Variants in RHEX observed in about 807,000 individuals in gnomAD.
RHEX encodes regulator of hemoglobinization and erythroid cell expansion.
A neutral mutation model predicts 20.1 loss-of-function variants in RHEX; 18 were observed. The observed-to-expected ratio is 0.90, with a 90% confidence interval of 0.62 to 1.33. The LOEUF (loss-of-function observed/expected upper bound fraction) is 1.33. Ranked by LOEUF, RHEX falls within the 40% of genes most tolerant of loss-of-function variation. The pLI is 0.00. For synonymous variants in RHEX, 87 were observed against 77.1 expected (o/e 1.13, Z -0.67); for missense variants, 192 against 214.3 (o/e 0.90, Z 0.65).
intron 1 of RHEX, among the ~76,000 whole-genome samples, chr1:206,077,030 G>A (rs1318875751): frequency 6.6e-6 from 1 of 152,230 alleles, no homozygotes; most frequent in Non-Finnish European, 1.5e-5. Context: ...ATAAATGCGT[G>A]AATTAAGGTG....
intron 2 of RHEX, 115 bp from the exon 3 acceptor site, chr1:206,097,966 A>T: frequency 8.6e-7 from 1 of 1,158,452 alleles, no homozygotes; most frequent in Non-Finnish European, 1.3e-6. Context: ...AAAGGGACCT[A>T]CCCTGGGACA....
At chr1:206,058,751 T>G (rs1662248615) in intron 1 of RHEX, among the ~76,000 whole-genome samples, 1 of 152,136 alleles carries the variant, frequency 6.6e-6, no homozygotes, top group East Asian at 1.9e-4. Flanking sequence ...GACCCTTTCA[T>G]GTGAAATCTT....
chr1:206,093,260 T>C (rs1420299616), intron 1 of RHEX, among the ~76,000 whole-genome samples: 6 of 152,082 alleles, frequency 3.9e-5, no homozygotes, highest in African/African-American at 1.2e-4. Flanking sequence ...CTTTGATCCA[T>C]ATGATTTTTC....
intron 1 of RHEX, among the ~76,000 whole-genome samples, chr1:206,063,325 C>T (rs1409874349): frequency 3.9e-5 from 6 of 152,076 alleles, no homozygotes; most frequent in Non-Finnish European, 5.9e-5. Flanking sequence ...GCTTGGAAAA[C>T]GGCAAGTTTC....
chr1:206,066,355 G>A (rs982994842), intron 1 of RHEX, among the ~76,000 whole-genome samples: 1 of 152,172 alleles, frequency 6.6e-6, no homozygotes, highest in South Asian at 2.1e-4. Context: ...AGTGGCTCAC[G>A]CCTGTAATCC....
intron 1 of RHEX, among the ~76,000 whole-genome samples, chr1:206,066,556 G>A (rs1027086208): frequency 6.6e-6 from 1 of 152,226 alleles, no homozygotes; most frequent in Non-Finnish European, 1.5e-5. Flanking sequence ...CGTCAAGTTT[G>A]CAGTGAGCTG....
At chr1:206,098,249 C>CA (rs1418728631) in intron 3 of RHEX, 68 bp downstream of exon 3, 3 of 1,198,800 alleles carry the variant, frequency 2.5e-6, no homozygotes, top group Non-Finnish European at 3.7e-6. Flanking sequence ...TCCAGCAGGA[C>CA]AAGACCCCTT....
At chr1:206,096,506 G>A (rs1344391476) in intron 1 of RHEX, among the ~76,000 whole-genome samples, 1 of 152,234 alleles carries the variant, frequency 6.6e-6, no homozygotes, top group Non-Finnish European at 1.5e-5. Context: ...TCTTCCTTGT[G>A]CAGCTGCCCT....
intron 4 of RHEX, among the ~76,000 whole-genome samples, chr1:206,100,232 T>C (rs1443650449): frequency 1.3e-5 from 2 of 152,212 alleles, no homozygotes; most frequent in Non-Finnish European, 2.9e-5. Context: ...AGAGGGACCC[T>C]TTTTCATGGT....
intron 1 of RHEX, among the ~76,000 whole-genome samples, chr1:206,080,745 G>A (rs1261609678): frequency 6.6e-6 from 1 of 152,198 alleles, no homozygotes; most frequent in Non-Finnish European, 1.5e-5. Flanking sequence ...CCTGAACCCA[G>A]ACCTCAGTAG....
At chr1:206,071,026 C>G (rs1439154696) in intron 1 of RHEX, among the ~76,000 whole-genome samples, 1 of 152,150 alleles carries the variant, frequency 6.6e-6, no homozygotes. Context: ...AGTATTGACT[C>G]ACACGATCAC....
At chr1:206,083,766 G>A (rs2102320710) in intron 1 of RHEX, 1 of 452,700 alleles carries the variant, frequency 2.2e-6, no homozygotes, top group South Asian at 9.3e-5. Context: ...TGAGATTCCA[G>A]GGTGCGGAAT....
intron 1 of RHEX, among the ~76,000 whole-genome samples, chr1:206,096,636 C>T (rs1663072864): frequency 6.6e-6 from 1 of 152,200 alleles, no homozygotes; most frequent in African/African-American, 2.4e-5. Context: ...ACAGCTCTGC[C>T]CCTTTTTCAA....
At chr1:206,101,599 G>A (rs1553288401) in intron 5 of RHEX, among the ~76,000 whole-genome samples, 153 bp from the exon 6 acceptor site, 1 of 152,084 alleles carries the variant, frequency 6.6e-6, no homozygotes, top group African/African-American at 2.4e-5. Context: ...CTTCCTCATT[G>A]CCCTGGACTG....
chr1:206,101,880 C>T lies in RHEX; in HGVS notation c.447C>T (p.His149=). The part of the protein sequence containing the change: ...TDYVNVNPER[H]KPSFWYFVNP... ...ATGTCAATGTCAATCCAGAAAGACA[C>T]AAGCCCAGTTTCTGGTATTTTGTCA... The change falls in exon 6 of 6, where the codon CAC becomes CAT. Residue 149 remains histidine, a synonymous_variant. Coordinates refer to ENST00000331555, the MANE Select transcript of RHEX (RefSeq NM_001007544.4). 1.2e-6 allele frequency: 2 copies of T among 1,613,978 alleles called. No homozygotes were observed. Among genetic ancestry groups the T allele is most frequent in the African/African-American group, 1.3e-5 (1 of 75,062 alleles).
At chr1:206,086,737 G>A (rs931009867) in intron 1 of RHEX, among the ~76,000 whole-genome samples, 33 of 152,270 alleles carry the variant, frequency 2.2e-4, no homozygotes, top group African/African-American at 7.5e-4. Flanking sequence ...GGCTGGGCAC[G>A]GTGGCTCACA....
chr1:206,072,609 TG>T (rs1331086980), intron 1 of RHEX, among the ~76,000 whole-genome samples: 4 of 152,294 alleles, frequency 2.6e-5, no homozygotes, highest in Middle Eastern at 3.4e-3. Flanking sequence ...TTTTAGGCTT[TG>T]TAAAAATACC....
intron 1 of RHEX, among the ~76,000 whole-genome samples, chr1:206,090,202 CTTTTTTTT>C (rs59499927): frequency 1.8e-5 from 2 of 112,590 alleles, no homozygotes; most frequent in African/African-American, 3.6e-5. Context: ...TCTTTTCTTT[CTTTTTTTT>C]TTTTTTTTTT....
chr1:206,087,575 T>C (rs1662864182), intron 1 of RHEX, among the ~76,000 whole-genome samples: 1 of 152,216 alleles, frequency 6.6e-6, no homozygotes, highest in Non-Finnish European at 1.5e-5. Flanking sequence ...CATTTTCTCC[T>C]TCACACCATC....
Sources: gnomAD v4.1 joint callset for allele counts (sites outside exome capture counted in the v4.1 genomes callset) on GRCh38, gnomAD v4.1.1 for gene constraint, MANE v1.5 for transcripts, NCBI Gene and HGNC (gene_info 2026-07-23, HGNC 2026-07-21) for gene names.